FGFR1: variants seen among roughly 807,000 people sequenced by gnomAD.
FGFR1 encodes fibroblast growth factor receptor 1.
FGFR1 carries 18 observed loss-of-function variants against 93.7 expected under a neutral mutation model. The observed-to-expected ratio is 0.19, with a 90% confidence interval of 0.13 to 0.28. The LOEUF (loss-of-function observed/expected upper bound fraction) is 0.28. Among genes scored for constraint, FGFR1 ranks in the 10% least tolerant of loss-of-function variants. The pLI, the probability that FGFR1 is intolerant of heterozygous loss-of-function variation, is 1.00. For synonymous variants in FGFR1, 448 were observed against 429.3 expected (o/e 1.04, Z -0.54); for missense variants, 731 against 1,080.4 (o/e 0.68, Z 4.53).
At chr8:38,443,162 T>C (rs1293680340) in intron 2 of FGFR1, among the ~76,000 whole-genome samples, 1 of 152,102 alleles carries the variant, frequency 6.6e-6, no homozygotes, top group Non-Finnish European at 1.5e-5. Flanking sequence ...ATGGTGGTGA[T>C]GGCTACACAG....
In FGFR1 at chr8:38,414,845, C is replaced by T. The variant is rs2150563095; in HGVS notation, c.1911G>A (p.Met637Ile). The T allele has an allele frequency of 6.2e-7, 1 of 1,613,646 alleles. No homozygotes were observed. The highest frequency in any genetic ancestry group is 8.5e-7 in the Non-Finnish European group (1 of 1,179,970). The change falls in exon 14 of 18, where the codon ATG becomes ATA. Residue 637 changes from methionine to isoleucine, a missense_variant. By Grantham distance (10) the Met-to-Ile change is conservative (BLOSUM62 1). Coordinates refer to ENST00000447712, the MANE Select transcript of FGFR1 (RefSeq NM_023110.3). ...GTGCGAGGCCAAAGTCTGCTATCTT[C>T]ATCACATTGTCCTCTGTCACCAGGA... is the stretch of plus-strand genomic sequence containing the variant. ...RNVLVTEDNV[M>I]KIADFGLARD...
At chr8:38,445,783 T>C (rs1465412050) in intron 2 of FGFR1, among the ~76,000 whole-genome samples, 1 of 151,716 alleles carries the variant, frequency 6.6e-6, no homozygotes, top group Non-Finnish European at 1.5e-5. Context: ...TCAGGTGATC[T>C]GCCCGCCTCA....
At chr8:38,450,591 C>T (rs904807367) in intron 2 of FGFR1, among the ~76,000 whole-genome samples, 1 of 152,174 alleles carries the variant, frequency 6.6e-6, no homozygotes, top group South Asian at 2.1e-4. Flanking sequence ...GCTGGGGCCA[C>T]AGGCTCCCAA....
intron 2 of FGFR1, among the ~76,000 whole-genome samples, chr8:38,443,294 A>G (rs1828137063): frequency 6.6e-6 from 1 of 152,250 alleles, no homozygotes; most frequent in African/African-American, 2.4e-5. Context: ...TGGTCGTTAC[A>G]TAATGTGTGC....
intron 1 of FGFR1, among the ~76,000 whole-genome samples, chr8:38,462,331 C>T (rs1834574565): frequency 6.6e-6 from 1 of 151,966 alleles, no homozygotes; most frequent in African/African-American, 2.4e-5. Flanking sequence ...TGGTGAAACC[C>T]CGTCTCTACT....
chr8:38,416,974 G>GA (rs2150614673), intron 12 of FGFR1, among the ~76,000 whole-genome samples: 1 of 151,924 alleles, frequency 6.6e-6, no homozygotes, highest in Non-Finnish European at 1.5e-5. Context: ...GACTGGTCTC[G>GA]AACTCCTGAT....
At chr8:38,416,423 T>C (rs1301304026) in intron 12 of FGFR1, among the ~76,000 whole-genome samples, 1 of 149,192 alleles carries the variant, frequency 6.7e-6, no homozygotes, top group Non-Finnish European at 1.5e-5. Context: ...CAGCTGGGAT[T>C]ACAGGCATGA....
intron 2 of FGFR1, among the ~76,000 whole-genome samples, chr8:38,444,783 G>A (rs1828778553): frequency 6.6e-6 from 1 of 152,082 alleles, no homozygotes. Context: ...CAGTGATCTG[G>A]GGATCTAGAA....
intron 2 of FGFR1, among the ~76,000 whole-genome samples, chr8:38,431,171 C>T (rs1822965753): frequency 6.6e-6 from 1 of 152,172 alleles, no homozygotes; most frequent in Non-Finnish European, 1.5e-5. Flanking sequence ...CTCCCTCAGC[C>T]CCTGCTGTGG....
At chr8:38,419,890 T>G in intron 8 of FGFR1, 155 bp from the exon 9 acceptor site, 1 of 644,562 alleles carries the variant, frequency 1.6e-6, no homozygotes, top group Non-Finnish European at 2.7e-6. Context: ...ATTGTGGCAC[T>G]AGGAGGATCA....
At chr8:38,438,989 T>C (rs1265758126) in intron 2 of FGFR1, among the ~76,000 whole-genome samples, 2 of 152,174 alleles carry the variant, frequency 1.3e-5, no homozygotes, top group Admixed American at 6.5e-5. Flanking sequence ...GGCTCGGCTG[T>C]CCAAATGTGG....
Position 38,418,299 on chromosome 8 carries a change from C to A in FGFR1, c.1359G>T (p.Gly453=), listed in dbSNP as rs761440222. The A allele has an allele frequency of 1.2e-6, 2 of 1,614,194 alleles. No homozygotes were observed. The highest frequency in any genetic ancestry group is 2.2e-5 in the South Asian group (2 of 91,084). The change falls in exon 10 of 18, where the codon GGG becomes GGT. Residue 453 remains glycine, a synonymous_variant. Transcript: ENST00000447712. ...LVRPSRLSSS[G]TPMLAGVSEY... is the part of the protein sequence containing the mutation. ...CAGAGACCCCTGCTAGCATGGGAGT[C>A]CCACTGGAGGAGAGCCGTGATGGCC...
intron 11 of FGFR1, 141 bp downstream of exon 11, chr8:38,417,729 C>G: frequency 8.5e-7 from 1 of 1,170,990 alleles, no homozygotes; most frequent in Non-Finnish European, 1.3e-6. Context: ...ACACCCCCTC[C>G]ACTCCCAGGT....
chr8:38,450,958 T>C (rs1318217945), intron 2 of FGFR1, among the ~76,000 whole-genome samples: 1 of 152,030 alleles, frequency 6.6e-6, no homozygotes, highest in African/African-American at 2.4e-5. Flanking sequence ...GTCCTCCCTG[T>C]CCAGCTCTGA....
intron 2 of FGFR1, among the ~76,000 whole-genome samples, chr8:38,432,570 G>A (rs1488562055): frequency 6.6e-6 from 1 of 151,996 alleles, no homozygotes; most frequent in African/African-American, 2.4e-5. Flanking sequence ...GCGCCACCAT[G>A]CCCAGCTAAT....
chr8:38,420,911 T>C (rs1818505867), intron 8 of FGFR1, among the ~76,000 whole-genome samples: 1 of 152,078 alleles, frequency 6.6e-6, no homozygotes, highest in Admixed American at 6.5e-5. Flanking sequence ...CGAAGACAAC[T>C]GATTGGGAGC....
intron 2 of FGFR1, 58 bp from the exon 3 acceptor site, chr8:38,430,006 G>C (rs1031092133): frequency 6.7e-7 from 1 of 1,496,564 alleles, no homozygotes; most frequent in South Asian, 1.2e-5. Flanking sequence ...AAGACAGGGA[G>C]AGGGGAGGAG....
At position 38,436,409 on chromosome 8, in the gene FGFR1, C is replaced by A. The variant is rs17175786; in HGVS notation, c.92-6461G>T. On this transcript the variant is annotated intron_variant, in intron 2 of 17. Transcript: ENST00000447712. The stretch of plus-strand genomic sequence containing the variant: ...AAAGTGCATTGTGAAAAAAAAGGGG[C>A]CTTATGCTTTGATGCCAATAGAATG... Among the ~76,000 whole-genome samples the A allele has an allele frequency of 2.1e-3, 323 of 152,080 alleles. 9 individuals carry two copies. In the East Asian group the frequency reaches 0.058, roughly 27 times the overall value.
chr8:38,416,699 C>T (rs1386986494), intron 12 of FGFR1, among the ~76,000 whole-genome samples: 2 of 152,060 alleles, frequency 1.3e-5, no homozygotes, highest in Non-Finnish European at 1.5e-5. Flanking sequence ...AAGTGATCCA[C>T]CCGCCTCACC....
Sources: gnomAD v4.1 joint callset for allele counts (sites outside exome capture counted in the v4.1 genomes callset) on GRCh38, gnomAD v4.1.1 for gene constraint, MANE v1.5 for transcripts, NCBI Gene and HGNC (gene_info 2026-07-23, HGNC 2026-07-21) for gene names.